Variants in PDE1C observed in about 807,000 individuals in gnomAD.
PDE1C encodes the protein dual specificity calcium/calmodulin-dependent 3',5'-cyclic nucleotide phosphodiesterase 1C.
Under a neutral mutation model 93.1 loss-of-function variants are expected in PDE1C, and 62 were observed. The observed-to-expected ratio is 0.67, with a 90% confidence interval of 0.54 to 0.82. The LOEUF is 0.82. Among genes scored for constraint, PDE1C ranks in the 40% least tolerant of loss-of-function variants. PDE1C has a pLI of 0.00. For missense variants in PDE1C, 742 were observed against 884.6 expected, an observed-to-expected ratio of 0.84 and a Z score of 2.04; for synonymous variants, 325 against 310.1, an observed-to-expected ratio of 1.05 and a Z score of -0.50.
chr7:31,677,836 G>A, the PDE1C span, among the ~76,000 whole-genome samples: 1 of 151,940 alleles, frequency 6.6e-6, no homozygotes, highest in South Asian at 2.1e-4. Flanking sequence ...AAAAGAAGGA[G>A]GTAGAATTAT....
intron 3 of PDE1C, among the ~76,000 whole-genome samples, chr7:32,140,633 G>A (rs1382741675): frequency 6.6e-6 from 1 of 152,204 alleles, no homozygotes; most frequent in Non-Finnish European, 1.5e-5. Context: ...CATTCTGCAG[G>A]TCCCTCTCTG....
chr7:31,718,085 A>G, the PDE1C span, among the ~76,000 whole-genome samples: 2 of 152,144 alleles, frequency 1.3e-5, no homozygotes, highest in Non-Finnish European at 2.9e-5. Context: ...TCTGGAGAAT[A>G]TTAATACAGC....
At chr7:32,065,058 G>GTA (rs1334070141) in intron 1 of PDE1C, among the ~76,000 whole-genome samples, 4 of 151,120 alleles carry the variant, frequency 2.6e-5, no homozygotes, top group Middle Eastern at 3.4e-3. Flanking sequence ...CGGTGGGGGG[G>GTA]GGGGGGAGGA....
intron 2 of PDE1C, among the ~76,000 whole-genome samples, chr7:31,926,575 C>G (rs1242774465): frequency 6.6e-6 from 1 of 152,194 alleles, no homozygotes; most frequent in Non-Finnish European, 1.5e-5. Flanking sequence ...TCCTGCATTT[C>G]CAGCTGAGGT....
At chr7:31,658,299 C>CTTTTTT in the PDE1C span, 1 of 1,388,398 alleles carries the variant, frequency 7.2e-7, no homozygotes. Flanking sequence ...AGCTGGATCC[C>CTTTTTT]TTTTTTTTTT....
At chr7:32,146,350 T>A (rs1800833551) in intron 3 of PDE1C, among the ~76,000 whole-genome samples, 1 of 152,178 alleles carries the variant, frequency 6.6e-6, no homozygotes, top group Non-Finnish European at 1.5e-5. Context: ...TGGATTTCAC[T>A]GGGGTAAAAT....
intron 1 of PDE1C, among the ~76,000 whole-genome samples, chr7:32,416,217 G>A (rs548946069): frequency 1.1e-4 from 16 of 152,320 alleles, no homozygotes; most frequent in African/African-American, 3.1e-4. Flanking sequence ...ATCTAAGGTC[G>A]GAGAGTCCTC....
intron 1 of PDE1C, among the ~76,000 whole-genome samples, chr7:32,374,261 AAG>A (rs1491185882): frequency 1.0e-4 from 10 of 99,260 alleles, no homozygotes; most frequent in African/African-American, 4.0e-4. Context: ...GAAAGGAAGA[AAG>A]AAAGAAAGAA....
chr7:32,377,336 G>T (rs1427931812), intron 1 of PDE1C, among the ~76,000 whole-genome samples: 1 of 152,136 alleles, frequency 6.6e-6, no homozygotes, highest in Non-Finnish European at 1.5e-5. Flanking sequence ...AAAGCACTTT[G>T]TTCATACCAC....
At chr7:31,774,010 T>A (rs6947644) in intron 17 of PDE1C, among the ~76,000 whole-genome samples, 6 of 152,060 alleles carry the variant, frequency 3.9e-5, no homozygotes, top group African/African-American at 1.4e-4. Context: ...ATTCGGCGGA[T>A]GTGGAGTCCA....
chr7:31,923,337 G>C (rs1325879914), intron 2 of PDE1C, among the ~76,000 whole-genome samples: 1 of 152,142 alleles, frequency 6.6e-6, no homozygotes, highest in Non-Finnish European at 1.5e-5. Context: ...CCAGGTCCCA[G>C]CCAGACTAGA....
chr7:32,406,342 C>T (rs1785051062), intron 1 of PDE1C, among the ~76,000 whole-genome samples: 1 of 152,090 alleles, frequency 6.6e-6, no homozygotes, highest in South Asian at 2.1e-4. Flanking sequence ...GTAAAATCTT[C>T]CAATACAATT....
At chr7:31,761,832 A>G (rs1039729551) in intron 17 of PDE1C, among the ~76,000 whole-genome samples, 4 of 152,186 alleles carry the variant, frequency 2.6e-5, no homozygotes, top group African/African-American at 9.7e-5. Context: ...ACTCCTCACC[A>G]TCCTTGGAAG....
chr7:32,210,579 T>C (rs79775679), intron 1 of PDE1C, among the ~76,000 whole-genome samples: 10,815 of 152,226 alleles, frequency 0.071, 1,336 homozygotes, highest in African/African-American at 0.25. Context: ...CAAAGGTAAG[T>C]ATTTTAAAAT....
intron 2 of PDE1C, among the ~76,000 whole-genome samples, chr7:31,956,804 T>C (rs549823113): frequency 6.6e-6 from 1 of 152,290 alleles, no homozygotes; most frequent in Non-Finnish European, 1.5e-5. Flanking sequence ...AAAGTATTCA[T>C]AGACATAGAA....
At chr7:31,776,997 G>C (rs547472993) in intron 16 of PDE1C, among the ~76,000 whole-genome samples, 1 of 107,838 alleles carries the variant, frequency 9.3e-6, no homozygotes, top group East Asian at 3.2e-4. Flanking sequence ...TTTGTGGGGT[G>C]GGGGGAGGGG....
intron 1 of PDE1C, among the ~76,000 whole-genome samples, chr7:32,328,766 C>T (rs760563349): frequency 1.3e-4 from 20 of 152,158 alleles, no homozygotes; most frequent in Admixed American, 6.5e-4. Context: ...TCCTCTGCAA[C>T]GCTTACACAA....
At chr7:32,222,386 C>T (rs914036387) in intron 1 of PDE1C, among the ~76,000 whole-genome samples, 7 of 152,120 alleles carry the variant, frequency 4.6e-5, no homozygotes, top group Non-Finnish European at 1.0e-4. Context: ...ATACTGTTTC[C>T]CCCAGACTAG....
chr7:31,645,878 A>G, the PDE1C span, among the ~76,000 whole-genome samples: 1 of 152,176 alleles, frequency 6.6e-6, no homozygotes, highest in South Asian at 2.1e-4. Context: ...CAGTAGTGTC[A>G]AGGCTGTAAA....
Sources: allele counts gnomAD v4.1 joint callset (sites outside exome capture counted in the v4.1 genomes callset), GRCh38; gene constraint gnomAD v4.1.1; transcripts MANE v1.5; gene names NCBI Gene and HGNC (gene_info 2026-07-23, HGNC 2026-07-21).